TSPAN7: variants seen among roughly 807,000 people sequenced by gnomAD.
The protein encoded by TSPAN7 is tetraspanin-7.
A neutral mutation model predicts 17.6 loss-of-function variants in TSPAN7; 1 was observed. The observed-to-expected ratio is 0.06, with a 90% CI of 0.02 to 0.27. The LOEUF (loss-of-function observed/expected upper bound fraction) is 0.27. Ranked by LOEUF, TSPAN7 falls within the 10% of genes least tolerant of loss-of-function variation. The pLI is 1.00. For synonymous variants in TSPAN7, 78 were observed against 79.0 expected (o/e 0.99, Z 0.07); for missense variants, 112 against 201.7 (o/e 0.56, Z 2.69).
At chrX:38,632,784 A>AT (rs1353018091) in intron 1 of TSPAN7, among the ~76,000 whole-genome samples, 1 of 112,448 alleles carries the variant, frequency 8.9e-6, no homozygotes, top group African/African-American at 3.2e-5. Flanking sequence ...TATTAGTGAG[A>AT]TTTTTTTGCT....
In TSPAN7 at chrX:38,609,314, A is replaced by G. The variant is rs2069404262; in HGVS notation, c.81+47687A>G. ...TCTCTTCACACAACCTTTCTGCAGCATTTTTGCACTGCCTTGATAATAAAT... is the reference window on the plus strand; with the variant it reads ...TCTCTTCACACAACCTTTCTGCAGCGTTTTTGCACTGCCTTGATAATAAAT... On this transcript the variant is annotated intron_variant, in intron 1 of 7. Transcript: ENST00000378482. Among the ~76,000 whole-genome samples, 3 of 111,813 alleles carry G rather than the reference A, an allele frequency of 2.7e-5. No individual in the cohort carries two copies. In the Admixed American group the frequency reaches 2.9e-4, roughly 11 times the overall value.
intron 6 of TSPAN7, among the ~76,000 whole-genome samples, 176 bp from the exon 7 acceptor site, chrX:38,687,423 A>C (rs2147461241): frequency 8.9e-6 from 1 of 111,798 alleles, no homozygotes; most frequent in South Asian, 3.8e-4. Flanking sequence ...CTTTTGCTCT[A>C]GTGCCCTTTC....
chrX:38,677,917 T>C (rs191424873), intron 5 of TSPAN7, among the ~76,000 whole-genome samples: 191 of 112,065 alleles, frequency 1.7e-3, no homozygotes, highest in South Asian at 0.011. Context: ...TACTGCCACA[T>C]TCTAGTTATA....
At chrX:38,650,120 A>G (rs765264882) in intron 1 of TSPAN7, among the ~76,000 whole-genome samples, 1 of 112,096 alleles carries the variant, frequency 8.9e-6, no homozygotes, top group South Asian at 3.7e-4. Context: ...CAAGAGAAGT[A>G]CATCCCAGAG....
intron 1 of TSPAN7, among the ~76,000 whole-genome samples, chrX:38,633,986 G>C (rs953271301): frequency 2.7e-5 from 3 of 112,032 alleles, no homozygotes; most frequent in Non-Finnish European, 5.6e-5. Context: ...CTAGATGCCT[G>C]TCAGAACTAT....
At chrX:38,631,649 A>G (rs1419548450) in intron 1 of TSPAN7, among the ~76,000 whole-genome samples, 2 of 111,768 alleles carry the variant, frequency 1.8e-5, no homozygotes, top group Non-Finnish European at 1.9e-5. Context: ...GGGAATGCAC[A>G]TGTATGATGT....
intron 1 of TSPAN7, among the ~76,000 whole-genome samples, chrX:38,586,330 G>A (rs1434439679): frequency 8.9e-6 from 1 of 112,297 alleles, no homozygotes; most frequent in Non-Finnish European, 1.9e-5. Context: ...ATATCAGGAA[G>A]GCTTTGAATA....
In TSPAN7 at chrX:38,668,408, A is replaced by G. The variant is rs1443810244; in HGVS notation, c.270+2099A>G. ...TCTGGAGGTGGCTTCACACCACACT[A>G]CCATTTTCTTCTCCTAACACAAGTT... On this transcript the variant is annotated intron_variant, in intron 2 of 7. Transcript: ENST00000378482. 2.7e-5 allele frequency among the ~76,000 whole-genome samples: 3 copies of G among 112,276 alleles called. No individual in the cohort carries two copies. The Admixed American group carries it at 2.8e-4, about 11-fold the overall frequency.
intron 1 of TSPAN7, among the ~76,000 whole-genome samples, chrX:38,571,317 G>C (rs2069168493): frequency 9.0e-6 from 1 of 111,223 alleles, no homozygotes; most frequent in African/African-American, 3.3e-5. Context: ...AAGATACTTA[G>C]ACCCCATCCT....
At chrX:38,651,338 G>A (rs1165741384) in intron 1 of TSPAN7, among the ~76,000 whole-genome samples, 5 of 110,476 alleles carry the variant, frequency 4.5e-5, no homozygotes, top group East Asian at 2.8e-4. Flanking sequence ...GGTGGCGGGC[G>A]CCTATAATCC....
At chrX:38,611,022 G>A (rs2069415161) in intron 1 of TSPAN7, among the ~76,000 whole-genome samples, 1 of 112,082 alleles carries the variant, frequency 8.9e-6, no homozygotes. Flanking sequence ...TCGGTGGGTA[G>A]GGAAGGCAGG....
At chrX:38,674,885 C>T (rs2069843386) in intron 4 of TSPAN7, among the ~76,000 whole-genome samples, 1 of 111,511 alleles carries the variant, frequency 9.0e-6, no homozygotes, top group Non-Finnish European at 1.9e-5. Flanking sequence ...TCAGGAATCA[C>T]TAAGGGGGAT....
chrX:38,610,084 C>T (rs1314164082), intron 1 of TSPAN7, among the ~76,000 whole-genome samples: 1 of 111,776 alleles, frequency 8.9e-6, no homozygotes, highest in Non-Finnish European at 1.9e-5. Flanking sequence ...ATTTGGGGTT[C>T]TTGACAGAAA....
chrX:38,630,479 G>A (rs5917215), intron 1 of TSPAN7, among the ~76,000 whole-genome samples: 40,871 of 110,136 alleles, frequency 0.37, 5,699 homozygotes, highest in East Asian at 0.68. Flanking sequence ...CCTGATGGTG[G>A]GGACTATGTC....
intron 1 of TSPAN7, among the ~76,000 whole-genome samples, chrX:38,636,746 G>C (rs906854355): frequency 3.6e-5 from 4 of 110,417 alleles, no homozygotes; most frequent in East Asian, 2.9e-4. Context: ...CGCGATCTTG[G>C]CTCACTGCAA....
intron 1 of TSPAN7, among the ~76,000 whole-genome samples, chrX:38,589,616 A>T (rs2069279291): frequency 8.9e-6 from 1 of 112,251 alleles, no homozygotes; most frequent in Non-Finnish European, 1.9e-5. Flanking sequence ...ATTTTTAAAA[A>T]TTTGGAATGT....
intron 1 of TSPAN7, among the ~76,000 whole-genome samples, chrX:38,640,759 C>A (rs1038307635): frequency 8.9e-6 from 1 of 112,342 alleles, no homozygotes; most frequent in Non-Finnish European, 1.9e-5. Flanking sequence ...CTGGCATTTA[C>A]TGTGTAGGAA....
At chrX:38,592,211 T>G (rs1475289580) in intron 1 of TSPAN7, among the ~76,000 whole-genome samples, 1 of 111,746 alleles carries the variant, frequency 8.9e-6, no homozygotes, top group Non-Finnish European at 1.9e-5. Context: ...CAATTCAACA[T>G]GAGATTTGGG....
chrX:38,645,227 T>C (rs2069637833), intron 1 of TSPAN7, among the ~76,000 whole-genome samples: 1 of 112,314 alleles, frequency 8.9e-6, no homozygotes, highest in Non-Finnish European at 1.9e-5. Context: ...TTGGAGCCCT[T>C]GCTAATTCCC....
Sources: gnomAD v4.1 joint callset for allele counts (sites outside exome capture counted in the v4.1 genomes callset) on GRCh38, gnomAD v4.1.1 for gene constraint, MANE v1.5 for transcripts, NCBI Gene and HGNC (gene_info 2026-07-23, HGNC 2026-07-21) for gene names.